Variants in LARP4B observed in about 807,000 individuals in gnomAD.
LARP4B encodes the protein La ribonucleoprotein 4B, also known as la-related protein 4B.
In LARP4B, 12 loss-of-function variants were observed where a neutral mutation model predicts 89.8. The ratio of observed to expected loss-of-function variants is 0.13; its 90% CI spans 0.09 to 0.22. The LOEUF is 0.22. Ranked by LOEUF, LARP4B falls within the 10% of genes least tolerant of loss-of-function variation. The pLI, the probability that LARP4B is intolerant of heterozygous loss-of-function variation, is 1.00. For synonymous variants in LARP4B, 367 were observed against 363.3 expected, an observed-to-expected ratio of 1.01 and a Z score of -0.12; for missense variants, 757 against 947.7, an observed-to-expected ratio of 0.80 and a Z score of 2.64.
chr10:975,553 C>T, the LARP4B span, among the ~76,000 whole-genome samples: 3 of 152,220 alleles, frequency 2.0e-5, no homozygotes, highest in Non-Finnish European at 1.5e-5. Context: ...AGTCAAGGAG[C>T]GACTTTCAAG....
chr10:855,745 T>C (rs1834267708), intron 5 of LARP4B, among the ~76,000 whole-genome samples: 1 of 152,224 alleles, frequency 6.6e-6, no homozygotes, highest in South Asian at 2.1e-4. Context: ...ATTACTTGCT[T>C]GATGCAGGGT....
chr10:921,589 T>G (rs971322826), intron 1 of LARP4B, among the ~76,000 whole-genome samples: 1 of 152,156 alleles, frequency 6.6e-6, no homozygotes, highest in Non-Finnish European at 1.5e-5. Context: ...CAAGAATCTG[T>G]GTGGCCTTGC....
chr10:899,474 T>C (rs552390191), intron 1 of LARP4B, among the ~76,000 whole-genome samples: 5 of 151,788 alleles, frequency 3.3e-5, no homozygotes, highest in African/African-American at 9.7e-5. Flanking sequence ...TTTTATCTTC[T>C]ATCTACACAC....
chr10:976,526 C>A, the LARP4B span, among the ~76,000 whole-genome samples: 19 of 131,900 alleles, frequency 1.4e-4, 1 homozygote, highest in East Asian at 4.2e-3. Context: ...GCGTAATGTG[C>A]GGCCCGGCCT....
intron 7 of LARP4B, 76 bp downstream of exon 7, chr10:842,856 T>C (rs1468162630): frequency 2.2e-6 from 3 of 1,379,498 alleles, no homozygotes; most frequent in African/African-American, 1.4e-5. Context: ...TTGATGGCTA[T>C]AGATTTAAAG....
At chr10:870,101 T>G in intron 3 of LARP4B, 1 of 966,166 alleles carries the variant, frequency 1.0e-6, no homozygotes, top group South Asian at 4.8e-5. Flanking sequence ...CAAAGCAATT[T>G]CCAAGGCCTG....
chr10:857,891 T>G (rs1834391333), intron 5 of LARP4B, among the ~76,000 whole-genome samples: 1 of 152,082 alleles, frequency 6.6e-6, no homozygotes, highest in Non-Finnish European at 1.5e-5. Flanking sequence ...AATTGTAAAT[T>G]TAAAAAAGGA....
At chr10:970,719 G>GA in the LARP4B span, among the ~76,000 whole-genome samples, 1 of 152,116 alleles carries the variant, frequency 6.6e-6, no homozygotes, top group African/African-American at 2.4e-5. Context: ...GATGTGTAAG[G>GA]AATGTGTTTT....
chr10:862,289 C>T (rs2131834599), intron 5 of LARP4B, among the ~76,000 whole-genome samples: 1 of 142,132 alleles, frequency 7.0e-6, no homozygotes, highest in Admixed American at 7.0e-5. Context: ...AAACAACCGT[C>T]ACAGAACATC....
intron 8 of LARP4B, among the ~76,000 whole-genome samples, chr10:834,156 AG>A (rs1448532586): frequency 6.6e-6 from 1 of 152,236 alleles, no homozygotes; most frequent in Non-Finnish European, 1.5e-5. Context: ...AAAGTACAAA[AG>A]GAATTTGACA....
At chr10:831,275 A>C (rs1341175245) in intron 8 of LARP4B, among the ~76,000 whole-genome samples, 1 of 139,660 alleles carries the variant, frequency 7.2e-6, no homozygotes, top group Non-Finnish European at 1.6e-5. Context: ...TAACTGCACA[A>C]CTTTTTTTTT....
At chr10:954,683 A>ACCGG in the LARP4B span, among the ~76,000 whole-genome samples, 1 of 152,056 alleles carries the variant, frequency 6.6e-6, no homozygotes, top group East Asian at 1.9e-4. The surrounding 1 kb of genome is among the most constrained non-coding windows in gnomAD (Gnocchi z 5.0). Context: ...CCTTCAGGGT[A>ACCGG]CCGGCCGGGC....
At chr10:954,385 C>G in the LARP4B span, among the ~76,000 whole-genome samples, 7 of 152,104 alleles carry the variant, frequency 4.6e-5, no homozygotes, top group African/African-American at 1.7e-4. This position sits in a 1 kb window ranked among gnomAD's most constrained non-coding sequence, Gnocchi z 5.0. Context: ...CTCTAAACAA[C>G]CAGTAGGAAA....
intron 1 of LARP4B, among the ~76,000 whole-genome samples, chr10:915,089 G>A (rs1398862698): frequency 6.6e-6 from 1 of 152,134 alleles, no homozygotes; most frequent in Admixed American, 6.5e-5. Flanking sequence ...AATTTTAAGT[G>A]GTTGTAAAAA....
intron 11 of LARP4B, among the ~76,000 whole-genome samples, chr10:827,426 T>A (rs1031537267): frequency 3.3e-5 from 5 of 152,104 alleles, no homozygotes; most frequent in Non-Finnish European, 7.4e-5. Flanking sequence ...TTGCTCAAGA[T>A]AAAAAATAAA....
intron 1 of LARP4B, among the ~76,000 whole-genome samples, chr10:893,337 C>G (rs1836093055): frequency 6.6e-6 from 1 of 152,108 alleles, no homozygotes; most frequent in South Asian, 2.1e-4. Context: ...CATATTCACA[C>G]TGAACAGGAT....
At chr10:971,540 C>T in the LARP4B span, 3 of 152,180 alleles carry the variant, frequency 2.0e-5, no homozygotes, top group African/African-American at 7.2e-5. Flanking sequence ...CATGTACATC[C>T]ACAGGGTGAA....
upstream of LARP4B, among the ~76,000 whole-genome samples, chr10:933,829 G>A (rs1252192425): frequency 3.3e-5 from 5 of 151,674 alleles, no homozygotes; most frequent in Admixed American, 3.3e-4. Flanking sequence ...AAAATTGGTA[G>A]GTTAAACTTT....
chr10:974,281 AGGGCGGGT>A, the LARP4B span, among the ~76,000 whole-genome samples: 1 of 143,650 alleles, frequency 7.0e-6, no homozygotes, highest in East Asian at 2.3e-4. Context: ...ACGGAAACCC[AGGGCGGGT>A]GGGAAGGGAT....
Sources: allele counts gnomAD v4.1 joint callset (sites outside exome capture counted in the v4.1 genomes callset), GRCh38; gene constraint gnomAD v4.1.1; non-coding constraint Gnocchi (gnomAD v3.1); transcripts MANE v1.5; gene names NCBI Gene and HGNC (gene_info 2026-07-23, HGNC 2026-07-21).